Variants in ACACB observed in about 807,000 individuals in gnomAD.
The protein encoded by ACACB is acetyl-CoA carboxylase beta.
A neutral mutation model predicts 278.8 loss-of-function variants in ACACB; 209 were observed. The observed-to-expected ratio is 0.75, with a 90% CI of 0.67 to 0.84. The LOEUF (loss-of-function observed/expected upper bound fraction) is 0.84, where lower values mean the gene tolerates loss of function less well. Ranked by LOEUF, ACACB falls within the 40% of genes least tolerant of loss-of-function variation. The pLI, the probability that ACACB is intolerant of heterozygous loss-of-function variation, is 0.00. For synonymous variants in ACACB, 1,174 were observed against 1,285.6 expected (o/e 0.91, Z 1.86); for missense variants, 2,850 against 3,269.0 (o/e 0.87, Z 3.13).
At chr12:109,115,175 T>A (rs2135914867), upstream of ACACB, among the ~76,000 whole-genome samples, 1 of 152,314 alleles carries the variant, frequency 6.6e-6, no homozygotes. Context: ...AGAAACTCAA[T>A]ATAAATCATT....
chr12:109,148,164 G>C (rs949074102), intron 2 of ACACB, among the ~76,000 whole-genome samples: 6 of 152,166 alleles, frequency 3.9e-5, no homozygotes, highest in South Asian at 2.1e-4. Flanking sequence ...CCTTGGACTT[G>C]GAAACAGTCC....
chr12:109,265,597 G>T, intron 52 of ACACB, 72 bp downstream of exon 52: 1 of 1,555,560 alleles, frequency 6.4e-7, no homozygotes, highest in South Asian at 1.2e-5. Flanking sequence ...CTAGCTACCC[G>T]ACTCCTATGC....
chr12:109,160,089 CAAA>C (rs55905665), intron 2 of ACACB, among the ~76,000 whole-genome samples: 1 of 87,950 alleles, frequency 1.1e-5, no homozygotes, highest in Admixed American at 1.2e-4. Flanking sequence ...GACTCTGTCT[CAAA>C]AAAAAAAAAA....
At chr12:109,123,211 A>G (rs2042594461) in intron 1 of ACACB, among the ~76,000 whole-genome samples, 1 of 151,926 alleles carries the variant, frequency 6.6e-6, no homozygotes, top group Admixed American at 6.6e-5. Context: ...TAAACATACA[A>G]GTTGAAAGAA....
intron 45 of ACACB, among the ~76,000 whole-genome samples, chr12:109,257,617 C>G (rs1278247928): frequency 6.6e-6 from 1 of 152,166 alleles, no homozygotes; most frequent in Admixed American, 6.5e-5. Flanking sequence ...GTCACCCAGG[C>G]TGGAGTGCAG....
At chr12:109,192,139 GA>G (rs1484009434) in intron 15 of ACACB, among the ~76,000 whole-genome samples, 189 bp downstream of exon 15, 1 of 152,188 alleles carries the variant, frequency 6.6e-6, no homozygotes, top group African/African-American at 2.4e-5. Flanking sequence ...GTGGGTTAGG[GA>G]ATGGGATTCT....
rs1163160219 is a variant in ACACB at position 109,235,293 on chromosome 12, G to A, written c.4348-20G>A. On this transcript the variant is annotated intron_variant, in intron 31 of 52. Coordinates refer to ENST00000338432, the MANE Select transcript of ACACB (RefSeq NM_001093.4). The stretch of plus-strand genomic sequence containing the variant: ...TTACGGCCAAATAATATTCCATTGT[G>A]TCTTTGGTTTTTAATGCAGAAAAAT... 1.2e-6 allele frequency: 2 copies of A among 1,609,452 alleles called. No homozygotes were observed. The highest frequency in any genetic ancestry group is 1.7e-6 in the Non-Finnish European group (2 of 1,175,808).
chr12:109,158,392 A>C (rs1237697203), intron 2 of ACACB, among the ~76,000 whole-genome samples: 1 of 152,010 alleles, frequency 6.6e-6, no homozygotes, highest in Non-Finnish European at 1.5e-5. Flanking sequence ...CGATGACTTA[A>C]AAATGTTGGC....
intron 9 of ACACB, among the ~76,000 whole-genome samples, chr12:109,178,713 G>A (rs936912685): frequency 6.6e-6 from 1 of 152,238 alleles, no homozygotes; most frequent in Non-Finnish European, 1.5e-5. Flanking sequence ...GCAACAGGCA[G>A]CACAGCAGAG....
intron 1 of ACACB, among the ~76,000 whole-genome samples, chr12:109,133,470 A>G (rs559971709): frequency 6.6e-5 from 10 of 152,132 alleles, no homozygotes; most frequent in African/African-American, 2.4e-4. Context: ...AGCTCAAGAG[A>G]TCTGCCCACC....
chr12:109,222,708 A>G (rs2046207718), intron 25 of ACACB, 88 bp downstream of exon 25: 2 of 1,506,238 alleles, frequency 1.3e-6, no homozygotes, highest in Admixed American at 1.7e-5. Flanking sequence ...CACCATGCAC[A>G]GTCCCACCGT....
chr12:109,216,166 C>T (rs545633546), intron 22 of ACACB, among the ~76,000 whole-genome samples: 3 of 151,224 alleles, frequency 2.0e-5, no homozygotes, highest in African/African-American at 7.3e-5. Flanking sequence ...AACTCCTGGG[C>T]TCCAGTGATC....
rs750235294 is a variant in ACACB, at chr12:109,216,855, G to C, written c.3499G>C (p.Val1167Leu). 1.2e-6 allele frequency: 2 copies of C among 1,614,136 alleles called. No individual in the cohort carries two copies. The highest frequency in any genetic ancestry group is 1.7e-6 in the Non-Finnish European group (2 of 1,180,032). ...GCAGTTCAAGCCAGACATGTCCCAG[G>C]TGCTGGACTGCATCTTCTCCCACGC... ...REQFKPDMSQ[V>L]LDCIFSHAQV... Residue 1167 changes from valine to leucine, a missense_variant, in exon 24 of 53, where the codon GTG (valine) becomes CTG (leucine). Physicochemically the swap from Val to Leu is conservative, Grantham distance 32 (BLOSUM62 1). This residue lies in a region of ACACB where 2,265 missense variants were observed against 2,561.3 expected (regional missense o/e 0.88). Coordinates refer to ENST00000338432, the MANE Select transcript of ACACB (RefSeq NM_001093.4).
At chr12:109,146,347 T>G (rs933494608) in intron 2 of ACACB, among the ~76,000 whole-genome samples, 3 of 152,226 alleles carry the variant, frequency 2.0e-5, no homozygotes, top group Non-Finnish European at 2.9e-5. Context: ...CTTCCTACAT[T>G]CACCTCTTCC....
At chr12:109,151,914 C>A (rs761578734) in intron 2 of ACACB, among the ~76,000 whole-genome samples, 2 of 152,180 alleles carry the variant, frequency 1.3e-5, no homozygotes, top group African/African-American at 2.4e-5. Flanking sequence ...CTTTTAATGG[C>A]AGAAACTGCA....
chr12:109,229,087 C>T (rs185831474), intron 28 of ACACB, among the ~76,000 whole-genome samples: 94 of 152,144 alleles, frequency 6.2e-4, no homozygotes, highest in Admixed American at 1.9e-3. Flanking sequence ...GGACTACAGG[C>T]GCACACCACC....
chr12:109,258,635 T>C (rs1202637017), intron 46 of ACACB, among the ~76,000 whole-genome samples: 1 of 152,234 alleles, frequency 6.6e-6, no homozygotes, highest in Admixed American at 6.5e-5. Context: ...TGTTGCTGTT[T>C]CTGCGCTAGG....
chr12:109,171,121 TG>T (rs2044101090), intron 4 of ACACB, among the ~76,000 whole-genome samples: 1 of 151,188 alleles, frequency 6.6e-6, no homozygotes, highest in Admixed American at 6.6e-5. Context: ...CCCAAAGTGC[TG>T]GGATGTCAGG....
intron 27 of ACACB, 75 bp from the exon 28 acceptor site, chr12:109,227,296 C>T (rs545410590): frequency 1.1e-4 from 145 of 1,309,200 alleles, no homozygotes; most frequent in Non-Finnish European, 1.3e-4. Context: ...ACCTGTTCCC[C>T]GTGAGTGCCC....
Sources: allele counts gnomAD v4.1 joint callset (sites outside exome capture counted in the v4.1 genomes callset), GRCh38; gene constraint gnomAD v4.1.1; regional missense constraint gnomAD v4.1.1; transcripts MANE v1.5; gene names NCBI Gene and HGNC (gene_info 2026-07-23, HGNC 2026-07-21).